Variants in CDC42BPA observed in about 807,000 individuals in gnomAD.
The protein encoded by CDC42BPA is serine/threonine-protein kinase MRCK alpha.
Under a neutral mutation model 223.5 loss-of-function variants are expected in CDC42BPA, and 80 were observed. That is an observed-to-expected ratio of 0.36 (90% CI 0.30 to 0.43). The LOEUF (loss-of-function observed/expected upper bound fraction) is 0.43. Ranked by LOEUF, CDC42BPA falls within the 20% of genes least tolerant of loss-of-function variation. CDC42BPA has a pLI of 1.00. For synonymous variants in CDC42BPA, 694 were observed against 718.6 expected, an observed-to-expected ratio of 0.97 and a Z score of 0.55; for missense variants, 1,743 against 2,099.9, an observed-to-expected ratio of 0.83 and a Z score of 3.32.
intron 15 of CDC42BPA, 25 bp from the exon 16 acceptor site, chr1:227,092,016 GA>G: frequency 1.6e-6 from 2 of 1,281,546 alleles, no homozygotes; most frequent in Non-Finnish European, 2.2e-6. Context: ...AACACAAAAG[GA>G]AAAAGGGGAA....
intron 1 of CDC42BPA, among the ~76,000 whole-genome samples, chr1:227,275,598 C>CCCCTCT: frequency 6.6e-6 from 1 of 151,230 alleles, no homozygotes. Context: ...CCTCCCCCTC[C>CCCCTCT]CCCTCTCCCC....
At chr1:227,200,163 G>A (rs558356769) in intron 3 of CDC42BPA, among the ~76,000 whole-genome samples, 4 of 152,092 alleles carry the variant, frequency 2.6e-5, no homozygotes, top group Non-Finnish European at 5.9e-5. Context: ...GGGCGCAGTG[G>A]CTCACGCCTA....
At chr1:227,185,135 T>G (rs1668544202) in intron 5 of CDC42BPA, among the ~76,000 whole-genome samples, 1 of 149,240 alleles carries the variant, frequency 6.7e-6, no homozygotes, top group Non-Finnish European at 1.5e-5. Flanking sequence ...TTGGAAATCT[T>G]TTCATCTTTA....
At chr1:227,131,066 T>C (rs1019064481) in intron 10 of CDC42BPA, among the ~76,000 whole-genome samples, 3 of 152,210 alleles carry the variant, frequency 2.0e-5, no homozygotes. Context: ...CTTACTCTTT[T>C]TTAAATAAGG....
rs1694608580 is a variant in CDC42BPA at position 227,317,583 on chromosome 1, G to A, written c.-401C>T. 2 of 397,172 alleles carry A rather than the reference G, an allele frequency of 5.0e-6. No individual in the cohort carries two copies. The highest frequency in any genetic ancestry group is 4.1e-5 in the African/African-American group (2 of 48,264). The allele number at this position is 397,172 out of a possible 1,614,324, so 24.6% of individuals were successfully genotyped here. On this transcript the variant is annotated 5_prime_UTR_variant, in exon 1 of 37. Coordinates refer to ENST00000366766, the MANE Select transcript of CDC42BPA (RefSeq NM_001394014.1). The stretch of plus-strand genomic sequence containing the variant: ...TGCAACGTAATCCTGAAACGAATCC[G>A]GTTGCATCATTAATGAATAAAGTCC...
At chr1:227,212,318 C>T (rs1674066510) in intron 3 of CDC42BPA, among the ~76,000 whole-genome samples, 1 of 152,116 alleles carries the variant, frequency 6.6e-6, no homozygotes, top group African/African-American at 2.4e-5. Flanking sequence ...GCTACAAGTA[C>T]TGACAGATAA....
chr1:227,312,447 T>C (rs1408156336), intron 1 of CDC42BPA, among the ~76,000 whole-genome samples: 1 of 152,262 alleles, frequency 6.6e-6, no homozygotes, highest in East Asian at 1.9e-4. Flanking sequence ...TTTGTTTTTA[T>C]ATACTGCTAT....
chr1:227,041,184 C>T (rs1043742717), intron 23 of CDC42BPA, among the ~76,000 whole-genome samples: 5 of 152,056 alleles, frequency 3.3e-5, no homozygotes, highest in Non-Finnish European at 5.9e-5. Flanking sequence ...TGTGGGTACA[C>T]GTGCAGGTTT....
At chr1:227,253,340 T>C (rs1020017080) in intron 2 of CDC42BPA, among the ~76,000 whole-genome samples, 7 of 152,132 alleles carry the variant, frequency 4.6e-5, no homozygotes, top group African/African-American at 1.7e-4. Flanking sequence ...TAAAATACTA[T>C]GAAAATATCC....
intron 4 of CDC42BPA, among the ~76,000 whole-genome samples, 166 bp downstream of exon 4, chr1:227,199,391 T>C (rs1036750655): frequency 5.3e-5 from 8 of 152,118 alleles, no homozygotes; most frequent in Non-Finnish European, 8.8e-5. Flanking sequence ...AGGTATCAAA[T>C]TTCCAGGGAG....
chr1:227,153,609 A>T (rs1328456210), intron 6 of CDC42BPA, among the ~76,000 whole-genome samples: 1 of 151,974 alleles, frequency 6.6e-6, no homozygotes, highest in Non-Finnish European at 1.5e-5. Context: ...GGTCTGAACT[A>T]CTTTATGGCA....
intron 1 of CDC42BPA, among the ~76,000 whole-genome samples, chr1:227,278,684 C>T (rs1006604910): frequency 8.5e-5 from 13 of 152,100 alleles, no homozygotes; most frequent in Non-Finnish European, 1.9e-4. Context: ...GGTCCTAGGT[C>T]ATGAGTTCTT....
At chr1:227,247,647 G>A (rs532213395) in intron 2 of CDC42BPA, among the ~76,000 whole-genome samples, 1 of 152,158 alleles carries the variant, frequency 6.6e-6, no homozygotes, top group East Asian at 2.0e-4. Context: ...CACTTTGGGA[G>A]GCCAAGGCAG....
chr1:227,027,759 T>G (rs1558315947), intron 30 of CDC42BPA, among the ~76,000 whole-genome samples: 1 of 152,210 alleles, frequency 6.6e-6, no homozygotes, highest in Non-Finnish European at 1.5e-5. Context: ...TTAACTCATA[T>G]TCAATGGCAC....
intron 21 of CDC42BPA, among the ~76,000 whole-genome samples, chr1:227,060,197 A>G (rs1435034770): frequency 6.6e-6 from 1 of 151,742 alleles, no homozygotes; most frequent in Non-Finnish European, 1.5e-5. Context: ...ACGCCCGGCT[A>G]ATTTTTTGTA....
At chr1:227,185,247 G>A (rs1378140574) in intron 5 of CDC42BPA, among the ~76,000 whole-genome samples, 1 of 152,048 alleles carries the variant, frequency 6.6e-6, no homozygotes, top group East Asian at 1.9e-4. Flanking sequence ...GGAAAAAAAG[G>A]GGTCCTTGGA....
intron 1 of CDC42BPA, 122 bp downstream of exon 1, chr1:227,316,883 T>G: frequency 1.4e-6 from 1 of 705,624 alleles, no homozygotes; most frequent in Non-Finnish European, 2.3e-6. Context: ...GAATAACTAG[T>G]GTCTGTTTTT....
intron 1 of CDC42BPA, among the ~76,000 whole-genome samples, chr1:227,304,580 A>C (rs1183729102): frequency 6.6e-6 from 1 of 152,226 alleles, no homozygotes; most frequent in Non-Finnish European, 1.5e-5. Context: ...ATGTTTCAAG[A>C]TTAGAGCTAC....
At chr1:227,185,140 T>C (rs1668545564) in intron 5 of CDC42BPA, among the ~76,000 whole-genome samples, 1 of 145,400 alleles carries the variant, frequency 6.9e-6, no homozygotes, top group East Asian at 2.1e-4. Flanking sequence ...AATCTTTTCA[T>C]CTTTACAAGA....
Sources: gnomAD v4.1 joint callset for allele counts (sites outside exome capture counted in the v4.1 genomes callset) on GRCh38, gnomAD v4.1.1 for gene constraint, MANE v1.5 for transcripts, NCBI Gene and HGNC (gene_info 2026-07-23, HGNC 2026-07-21) for gene names.